Variants in B4GALNT4 observed in about 807,000 individuals in gnomAD.
The protein encoded by B4GALNT4 is beta-1,4-N-acetyl-galactosaminyltransferase 4.
B4GALNT4 carries 77 observed loss-of-function variants against 110.0 expected under a neutral mutation model. The ratio of observed to expected loss-of-function variants is 0.70; its 90% CI spans 0.58 to 0.85. The LOEUF (loss-of-function observed/expected upper bound fraction) is 0.85, where lower values mean the gene tolerates loss of function less well. B4GALNT4 is among the 40% of genes least tolerant of loss of function. The pLI is 0.00. For synonymous variants in B4GALNT4, 785 were observed against 655.5 expected (o/e 1.20, Z -3.02); for missense variants, 1,575 against 1,506.0 (o/e 1.05, Z -0.76).
At chr11:377,590 GTGTACCC>G (rs1046901207) in intron 14 of B4GALNT4, among the ~76,000 whole-genome samples, 1 of 152,216 alleles carries the variant, frequency 6.6e-6, no homozygotes, top group African/African-American at 2.4e-5. Context: ...CCTTGCACCT[GTGTACCC>G]CACTTCTGTC....
At chr11:381,183 C>T (rs979486003) in intron 19 of B4GALNT4, 1 of 976,676 alleles carries the variant, frequency 1.0e-6, no homozygotes, top group Non-Finnish European at 1.2e-6. Context: ...TGAACCAGCT[C>T]TGCCCCCGAT....
Position 379,477 on chromosome 11 carries a change from G to A in B4GALNT4, c.2264G>A (p.Ser755Asn). 1 of 1,568,406 alleles carries A rather than the reference G, an allele frequency of 6.4e-7. No individual in the cohort carries two copies. The highest frequency in any genetic ancestry group is 1.1e-5 in the South Asian group (1 of 87,202). ...VEKRRDSARG[S>N]RFLLELELQE... ...AAGCGCCGGGACTCGGCGCGAGGGA[G>A]TCGCTTCCTGCTGGAGCTGGAGCTG... The change falls in exon 15 of 20, where the codon AGT becomes AAT. Residue 755 changes from serine to asparagine, a missense_variant. Ser to Asn is a conservative substitution (Grantham distance 46). Coordinates refer to ENST00000329962, the MANE Select transcript of B4GALNT4 (RefSeq NM_178537.5).
Position 376,165 on chromosome 11 carries a change from A to T in B4GALNT4, c.1187A>T (p.Tyr396Phe). The T allele has an allele frequency of 1.5e-6, 2 of 1,352,908 alleles. No individual in the cohort carries two copies. The highest frequency in any genetic ancestry group is 2.0e-6 in the Non-Finnish European group (2 of 1,014,860). The allele number at this position is 1,352,908 out of a possible 1,614,324, so 83.8% of individuals were successfully genotyped here. A position where few individuals can be genotyped will look rare whatever the true frequency, so the allele number is the denominator to read the frequency against. Residue 396 changes from tyrosine (Y) to phenylalanine (F), a missense_variant, in exon 12 of 20, where the codon TAT (tyrosine) becomes TTT (phenylalanine). Transcript: ENST00000329962. The part of the protein sequence containing the change: ...NKCFYRESPL[Y>F]LERFGFYKYM... Reference sequence around the variant, plus strand: ...TGCTTCTACCGCGAGTCTCCGCTGTATCTGGAGAGGTGGGCGCGCGGCCGG... The same window carrying T: ...TGCTTCTACCGCGAGTCTCCGCTGTTTCTGGAGAGGTGGGCGCGCGGCCGG...
At chr11:381,113 C>T (rs1301012980) in intron 19 of B4GALNT4, 162 bp downstream of exon 19, 2 of 985,226 alleles carry the variant, frequency 2.0e-6, no homozygotes, top group Non-Finnish European at 2.4e-6. Flanking sequence ...GACTCCTCCA[C>T]CCACATCACT....
chr11:372,631 C>T, intron 2 of B4GALNT4, 31 bp from the exon 3 acceptor site: 1 of 1,588,954 alleles, frequency 6.3e-7, no homozygotes, highest in South Asian at 1.1e-5. Context: ...GCCCTTCCAA[C>T]CCTGACCCTG....
chr11:376,484 C>A lies in B4GALNT4; in HGVS notation c.1361C>A (p.Pro454Gln). ...AGCCTGGAGCCCACCGAGGCGGCCCCGCCCAGGAGCGGCCCCCAGTCCCCC... is the reference window on the plus strand; with the variant it reads ...AGCCTGGAGCCCACCGAGGCGGCCCAGCCCAGGAGCGGCCCCCAGTCCCCC... ...LDSLEPTEAA[P>Q]PRSGPQSPAP... The change falls in exon 14 of 20, where the codon CCG becomes CAG. Residue 454 changes from proline (P) to glutamine (Q), a missense_variant. Coordinates refer to ENST00000329962, the MANE Select transcript of B4GALNT4 (RefSeq NM_178537.5). 6.3e-7 allele frequency: 1 copy of A among 1,578,098 alleles called. No individual in the cohort carries two copies. Among genetic ancestry groups the A allele is most frequent in the Non-Finnish European group, 8.5e-7 (1 of 1,170,694 alleles).
rs558666429 is a variant in B4GALNT4 at position 376,571 on chromosome 11, G to A, written c.1448G>A (p.Arg483Gln). 26 of 1,131,906 alleles carry A rather than the reference G, an allele frequency of 2.3e-5. No homozygotes were observed. The highest frequency in any genetic ancestry group is 2.0e-4 in the South Asian group (11 of 53,928). 70.1% of individuals were successfully genotyped at this position (1,131,906 alleles called of 1,614,324 possible). Residue 483 changes from arginine to glutamine, a missense_variant, in exon 14 of 20, where the codon CGG (arginine) becomes CAG (glutamine). Transcript: ENST00000329962. ...GCCCCGCCGACCCCTCCCCGCCCCC[G>A]GGACGGGGGGACCCCCAGGCACTCC... ...TLAPPTPPRP[R>Q]DGGTPRHSRA...
chr11:381,176 A>G, intron 19 of B4GALNT4: 10 of 978,602 alleles, frequency 1.0e-5, no homozygotes, highest in African/African-American at 1.8e-5. Flanking sequence ...ACATCCCTGA[A>G]CCAGCTCTGC....
In B4GALNT4 at chr11:379,908, T is replaced by C; in HGVS notation, c.2531T>C (p.Met844Thr). Residue 844 changes from methionine (M) to threonine (T), a missense_variant, in exon 16 of 20, where the codon ATG becomes ACG. Coordinates refer to ENST00000329962, the MANE Select transcript of B4GALNT4 (RefSeq NM_178537.5). ...ARWVAQFLAD[M>T]AALHARTGDS... Reference sequence around the variant, plus strand: ...TGGGTGGCACAGTTCCTGGCGGACATGGCTGCGCTGCACGCGCGCACCGGG... The same window carrying C: ...TGGGTGGCACAGTTCCTGGCGGACACGGCTGCGCTGCACGCGCGCACCGGG... The C allele has an allele frequency of 1.2e-6, 2 of 1,609,240 alleles. No homozygotes were observed. The highest frequency in any genetic ancestry group is 1.7e-6 in the Non-Finnish European group (2 of 1,179,280).
chr11:380,288 C>G lies in B4GALNT4; in HGVS notation c.2716-4C>G, dbSNP rs745770049. ...GCGGGGCTCAGACCTCCCGCACCCC[C>G]CAGGACGCCAGCAGCATCGTGTTCC... is the stretch of plus-strand genomic sequence containing the variant. On this transcript the variant is annotated splice_region_variant and splice_polypyrimidine_tract_variant and intron_variant, in intron 17 of 19. Coordinates refer to ENST00000329962, the MANE Select transcript of B4GALNT4 (RefSeq NM_178537.5). 1.2e-5 allele frequency: 19 copies of G among 1,612,792 alleles called. No homozygotes were observed. Among genetic ancestry groups the G allele is most frequent in the South Asian group, 4.4e-5 (4 of 91,066 alleles).
In B4GALNT4 at chr11:376,220, G is replaced by A. The variant is rs199557899; in HGVS notation, c.1197-31G>A. Reference sequence around the variant, plus strand: ...ATGCGGGGCGGGGTGGGCGGGGCGGGACTCGGCTCTGATGCCCCGCCGCGC... The same window carrying A: ...ATGCGGGGCGGGGTGGGCGGGGCGGAACTCGGCTCTGATGCCCCGCCGCGC... On this transcript the variant is annotated intron_variant, in intron 12 of 19. Transcript: ENST00000329962. 9.4e-6 allele frequency: 11 copies of A among 1,171,986 alleles called. No homozygotes were observed. The East Asian group carries it at 2.6e-4, about 28-fold the overall frequency. 72.6% of individuals were successfully genotyped at this position (1,171,986 alleles called of 1,614,324 possible).
intron 14 of B4GALNT4, among the ~76,000 whole-genome samples, chr11:378,422 G>GA (rs986586375): frequency 5.3e-5 from 8 of 152,322 alleles, no homozygotes; most frequent in African/African-American, 1.4e-4. Context: ...GGCCTCATGG[G>GA]AAGATCATGG....
intron 14 of B4GALNT4, among the ~76,000 whole-genome samples, chr11:378,720 T>C (rs1489072571): frequency 6.6e-6 from 1 of 152,074 alleles, no homozygotes; most frequent in Non-Finnish European, 1.5e-5. Context: ...ACTGAGGTTC[T>C]TGGCCGAGTG....
chr11:374,209 G>T (rs1846678213), intron 8 of B4GALNT4, among the ~76,000 whole-genome samples: 1 of 152,128 alleles, frequency 6.6e-6, no homozygotes, highest in Admixed American at 6.6e-5. Context: ...ACTCTGGACA[G>T]ATAGGCCTTT....
Position 372,122 on chromosome 11 carries a change from G to T in B4GALNT4, c.165G>T (p.Leu55=). 6.5e-7 allele frequency: 1 copy of T among 1,549,404 alleles called. No homozygotes were observed. Among genetic ancestry groups the T allele is most frequent in the South Asian group, 1.2e-5 (1 of 83,978 alleles). The change falls in exon 2 of 20, where the codon CTG becomes CTT. Residue 55 remains leucine, a synonymous_variant. Transcript: ENST00000329962. ...TGCCACCTGCAGATGGTGAGAAGCT[G>T]ACCAGTGAGACCGACGGCCGGGGGG... The part of the protein sequence containing the change: ...RLGYGRDGEK[L]TSETDGRGVH...
chr11:381,121 A>G, intron 19 of B4GALNT4, 170 bp downstream of exon 19: 8 of 984,792 alleles, frequency 8.1e-6, no homozygotes, highest in Non-Finnish European at 9.6e-6. Flanking sequence ...CACCCACATC[A>G]CTTCTGAAAC....
chr11:379,410 C>A lies in B4GALNT4; in HGVS notation c.2205-8C>A. 2 of 1,500,676 alleles carry A rather than the reference C, an allele frequency of 1.3e-6. No homozygotes were observed. The highest frequency in any genetic ancestry group is 8.8e-7 in the Non-Finnish European group (1 of 1,132,878). The allele number at this position is 1,500,676 out of a possible 1,614,324, so 93.0% of individuals were successfully genotyped here. A position where few individuals can be genotyped will look rare whatever the true frequency, so the allele number is the denominator to read the frequency against. ...GCCCCAGTACCGGCTGACCGCTGAG[C>A]CTTGCAGGCGCTTCGCGCTTCTGCG... On this transcript the variant is annotated splice_polypyrimidine_tract_variant and splice_region_variant and intron_variant, in intron 14 of 19. Transcript: ENST00000329962.
chr11:372,995 G>T (rs370167490), intron 4 of B4GALNT4, 31 bp from the exon 5 acceptor site: 5 of 1,612,354 alleles, frequency 3.1e-6, no homozygotes, highest in Admixed American at 1.7e-5. Context: ...CACGCAGGGG[G>T]CTTCGACAGC....
Position 375,361 on chromosome 11 carries a change from T to G in B4GALNT4, c.784-100T>G, listed in dbSNP as rs183861543. The G allele has an allele frequency of 5.2e-4, 630 of 1,201,136 alleles. 4 individuals carry two copies. In the African/African-American group the frequency reaches 8.3e-3, roughly 16 times the overall value. 74.4% of individuals were successfully genotyped at this position (1,201,136 alleles called of 1,614,324 possible). On this transcript the variant is annotated intron_variant, in intron 8 of 19. Coordinates refer to ENST00000329962, the MANE Select transcript of B4GALNT4 (RefSeq NM_178537.5). ...CTCCTCTCCTGCATCCTTTAAGGGA[T>G]TGGTCCTATTAGTCCCCCGGCCCTG...
Sources: gnomAD v4.1 joint callset for allele counts (sites outside exome capture counted in the v4.1 genomes callset) on GRCh38, gnomAD v4.1.1 for gene constraint, MANE v1.5 for transcripts, NCBI Gene and HGNC (gene_info 2026-07-23, HGNC 2026-07-21) for gene names.